Variants in KLF5 observed in about 807,000 individuals in gnomAD.
KLF5 encodes KLF transcription factor 5.
In KLF5, 9 loss-of-function variants were observed where a neutral mutation model predicts 36.9. That is an observed-to-expected ratio of 0.24 (90% CI 0.15 to 0.43). The LOEUF is 0.43. Among genes scored for constraint, KLF5 ranks in the 20% least tolerant of loss-of-function variants. The pLI is 1.00. For synonymous variants in KLF5, 246 were observed against 241.7 expected (o/e 1.02, Z -0.17); for missense variants, 524 against 599.5 (o/e 0.87, Z 1.31).
chr13:73,063,416 G>T (rs906530972), intron 2 of KLF5, among the ~76,000 whole-genome samples: 1 of 152,120 alleles, frequency 6.6e-6, no homozygotes, highest in Non-Finnish European at 1.5e-5. Context: ...ATGGCATGAC[G>T]TGCTAAATGA....
intron 3 of KLF5, among the ~76,000 whole-genome samples, chr13:73,072,855 G>T (rs538401304): frequency 6.6e-6 from 1 of 152,176 alleles, no homozygotes; most frequent in African/African-American, 2.4e-5. Context: ...AAAGATTAGA[G>T]ATTCTAGCAA....
chr13:73,062,874 TAAA>T (rs374320358), intron 2 of KLF5, 140 bp downstream of exon 2: 13,591 of 481,340 alleles, frequency 0.028, 144 homozygotes, highest in Non-Finnish European at 0.038. Context: ...TACTTGACAG[TAAA>T]AAAAAAAAAA....
chr13:73,074,413 G>A (rs977195198), intron 3 of KLF5, among the ~76,000 whole-genome samples: 1 of 151,310 alleles, frequency 6.6e-6, no homozygotes, highest in Non-Finnish European at 1.5e-5. Flanking sequence ...GGGAATTTAA[G>A]AGGTGAAAAA....
chr13:73,071,698 CTAAT>C (rs1296072218), intron 3 of KLF5, among the ~76,000 whole-genome samples: 2 of 152,116 alleles, frequency 1.3e-5, no homozygotes, highest in Admixed American at 6.5e-5. Flanking sequence ...TGGGAAAAAT[CTAAT>C]TATTATTGAA....
In KLF5 at chr13:73,077,065, A is replaced by C. The variant is rs1409268403; in HGVS notation, c.*1179A>C. 1 of 152,646 alleles carries C rather than the reference A, an allele frequency of 6.6e-6. No individual in the cohort carries two copies. The highest frequency in any genetic ancestry group is 2.4e-5 in the African/African-American group (1 of 41,448). 9.5% of individuals were successfully genotyped at this position (152,646 alleles called of 1,614,324 possible). On this transcript the variant is annotated 3_prime_UTR_variant, in exon 4 of 4. Transcript: ENST00000377687. The stretch of plus-strand genomic sequence containing the variant: ...AAGGAAGCAAATGCTACATATATGC[A>C]ATATAAAATAGTAATGTGATGCTGA...
intron 3 of KLF5, among the ~76,000 whole-genome samples, chr13:73,069,717 A>G (rs906226830): frequency 6.6e-6 from 1 of 152,210 alleles, no homozygotes; most frequent in Admixed American, 6.5e-5. Flanking sequence ...AAACATTTAC[A>G]TAGGAAATTG....
At chr13:73,060,251 C>G (rs2044624337) in intron 1 of KLF5, among the ~76,000 whole-genome samples, 1 of 150,962 alleles carries the variant, frequency 6.6e-6, no homozygotes, top group Non-Finnish European at 1.5e-5. Context: ...TGGCAGTTGG[C>G]TTTTACACTT....
At chr13:73,064,267 C>T (rs1202879311) in intron 3 of KLF5, among the ~76,000 whole-genome samples, 1 of 152,172 alleles carries the variant, frequency 6.6e-6, no homozygotes, top group Non-Finnish European at 1.5e-5. Flanking sequence ...ATTTTAAACT[C>T]TTAAAAACTT....
At chr13:73,071,248 C>T (rs531787765) in intron 3 of KLF5, among the ~76,000 whole-genome samples, 2 of 152,124 alleles carry the variant, frequency 1.3e-5, no homozygotes, top group Non-Finnish European at 2.9e-5. Context: ...AGTGAGGTAT[C>T]GGATTTTAAA....
chr13:73,062,078 A>T lies in KLF5; in HGVS notation c.479A>T (p.His160Leu). The change falls in exon 2 of 4, where the codon CAC (histidine) becomes CTC (leucine). Residue 160 changes from histidine (H) to leucine (L), a missense_variant. Physicochemically the swap from His to Leu is moderately conservative, Grantham distance 99. Coordinates refer to ENST00000377687, the MANE Select transcript of KLF5 (RefSeq NM_001730.5). ...AAATCCCAGAGACCGTGCGTAACAC[A>T]CATCAAGACAGAACCTGTTGCCATT... ...LYKSQRPCVT[H>L]IKTEPVAIFS... The T allele has an allele frequency of 6.2e-7, 1 of 1,614,132 alleles. No homozygotes were observed. Among genetic ancestry groups the T allele is most frequent in the Non-Finnish European group, 8.5e-7 (1 of 1,180,034 alleles).
Position 73,059,506 on chromosome 13 carries a change from C to A in KLF5, c.179C>A (p.Ala60Glu). ...ELKHAHHRPQ[A>E]QPAPAQAPQP... is the part of the protein sequence containing the mutation. ...AAGCACGCGCACCACCGCCCGCAGG[C>A]GCAGCCCGCGCCCGCGCAGGCCCCG... Residue 60 changes from alanine (A) to glutamate (E), a missense_variant, in exon 1 of 4, where the codon GCG becomes GAG. Transcript: ENST00000377687. 3 of 1,215,260 alleles carry A rather than the reference C, an allele frequency of 2.5e-6. No individual in the cohort carries two copies. The highest frequency in any genetic ancestry group is 3.1e-6 in the Non-Finnish European group (3 of 980,344). 75.3% of individuals were successfully genotyped at this position (1,215,260 alleles called of 1,614,324 possible).
At chr13:73,063,457 TAC>T (rs1237213123) in intron 2 of KLF5, among the ~76,000 whole-genome samples, 2 of 152,136 alleles carry the variant, frequency 1.3e-5, no homozygotes, top group African/African-American at 4.8e-5. Flanking sequence ...TACAGAAAAT[TAC>T]AGTCATCTTG....
chr13:73,055,384 T>A (rs566662272), upstream of KLF5, among the ~76,000 whole-genome samples: 1 of 152,292 alleles, frequency 6.6e-6, no homozygotes, highest in African/African-American at 2.4e-5. Flanking sequence ...ATAATTTTAA[T>A]TAATATAAAT....
chr13:73,062,635 A>G lies in KLF5; in HGVS notation c.1036A>G (p.Thr346Ala). Residue 346 changes from threonine to alanine, a missense_variant, in exon 2 of 4, where the codon ACC becomes GCC. This residue lies in a region of KLF5 where 454 missense variants were observed against 458.1 expected (regional missense o/e 0.99). Transcript: ENST00000377687. ...LAIHNPNLPT[T>A]LPVNSQNIQP... ...AATTCACAATCCAAATTTACCCACC[A>G]CCCTGCCAGTTAACTCACAAAACAT... The G allele has an allele frequency of 6.2e-7, 1 of 1,614,036 alleles. No homozygotes were observed. The highest frequency in any genetic ancestry group is 1.1e-5 in the South Asian group (1 of 91,078).
chr13:73,075,484 C>A lies in KLF5; in HGVS notation c.1196-224C>A, dbSNP rs532495227. The stretch of plus-strand genomic sequence containing the variant: ...CAGTTGTTCAAAGGTACACAAAATG[C>A]TTTTTTCTTTATGAGGTAAAAAATA... On this transcript the variant is annotated intron_variant, in intron 3 of 3. Coordinates refer to ENST00000377687, the MANE Select transcript of KLF5 (RefSeq NM_001730.5). 3.0e-4 allele frequency among the ~76,000 whole-genome samples: 45 copies of A among 152,140 alleles called. No individual in the cohort carries two copies. The South Asian group carries it at 8.5e-3, about 29-fold the overall frequency.
At position 73,077,102 on chromosome 13, in the gene KLF5, A is replaced by T. The variant is rs987914791; in HGVS notation, c.*1216A>T. ...TAATGTGATGCTGATGCTGTTAACC[A>T]AAGGGCAGAATAAATAAGCAAAATG... On this transcript the variant is annotated 3_prime_UTR_variant, in exon 4 of 4. Coordinates refer to ENST00000377687, the MANE Select transcript of KLF5 (RefSeq NM_001730.5). 1.3e-5 allele frequency: 2 copies of T among 152,652 alleles called. No homozygotes were observed. Among genetic ancestry groups the T allele is most frequent in the African/African-American group, 4.8e-5 (2 of 41,450 alleles). The allele number at this position is 152,652 out of a possible 1,614,324, so 9.5% of individuals were successfully genotyped here.
intron 2 of KLF5, among the ~76,000 whole-genome samples, 180 bp from the exon 3 acceptor site, chr13:73,063,639 ATCACT>A (rs2044657272): frequency 6.6e-6 from 1 of 152,248 alleles, no homozygotes; most frequent in Non-Finnish European, 1.5e-5. Context: ...CATAAAACAA[ATCACT>A]TCATGCCTTT....
chr13:73,063,984 T>C, intron 3 of KLF5, 101 bp downstream of exon 3: 1 of 301,368 alleles, frequency 3.3e-6, no homozygotes, highest in Middle Eastern at 5.7e-4. Context: ...TCCTGTCAAC[T>C]TTGTTTTTTT....
intron 3 of KLF5, among the ~76,000 whole-genome samples, chr13:73,065,875 G>A (rs939621748): frequency 6.6e-6 from 1 of 152,098 alleles, no homozygotes; most frequent in Admixed American, 6.5e-5. Flanking sequence ...CTTTCACCCC[G>A]TCAGGGTTTA....
Sources: allele counts gnomAD v4.1 joint callset (sites outside exome capture counted in the v4.1 genomes callset), GRCh38; gene constraint gnomAD v4.1.1; regional missense constraint gnomAD v4.1.1; transcripts MANE v1.5; gene names NCBI Gene and HGNC (gene_info 2026-07-23, HGNC 2026-07-21).